Variants in VPS53 observed in about 807,000 individuals in gnomAD.
The protein encoded by VPS53 is VPS53 subunit of GARP complex, also known as vacuolar protein sorting-associated protein 53 homolog.
In VPS53, 70 loss-of-function variants were observed where a neutral mutation model predicts 107.0. That is an observed-to-expected ratio of 0.65 (90% CI 0.54 to 0.80). The LOEUF is 0.80. Among genes scored for constraint, VPS53 ranks in the 30% least tolerant of loss-of-function variants. The pLI is 0.00. For synonymous variants in VPS53, 409 were observed against 393.3 expected, an observed-to-expected ratio of 1.04 and a Z score of -0.47; for missense variants, 917 against 1,049.4, an observed-to-expected ratio of 0.87 and a Z score of 1.74.
chr17:646,859 G>A (rs1254221775), intron 7 of VPS53, among the ~76,000 whole-genome samples: 18 of 94,304 alleles, frequency 1.9e-4, no homozygotes, highest in African/African-American at 6.5e-4. Flanking sequence ...TCCATATCAC[G>A]GACTGGAGAT....
intron 4 of VPS53, chr17:675,300 A>G (rs1972106757): frequency 6.6e-6 from 1 of 152,230 alleles, no homozygotes. Flanking sequence ...CCTAGCTGAT[A>G]ATTCTACGGT....
chr17:711,269 C>T (rs1973633461), intron 1 of VPS53, among the ~76,000 whole-genome samples: 1 of 152,232 alleles, frequency 6.6e-6, no homozygotes, highest in African/African-American at 2.4e-5. Flanking sequence ...GAACACGCAA[C>T]AAGGTGGATG....
At chr17:571,757 C>T (rs1453346848) in intron 13 of VPS53, among the ~76,000 whole-genome samples, 2 of 152,270 alleles carry the variant, frequency 1.3e-5, no homozygotes, top group African/African-American at 2.4e-5. Flanking sequence ...GTTGGCCGGG[C>T]TGGTCTCCAG....
intron 4 of VPS53, among the ~76,000 whole-genome samples, chr17:691,096 TGA>T (rs1295272801): frequency 6.6e-6 from 1 of 152,014 alleles, no homozygotes; most frequent in African/African-American, 2.4e-5. Context: ...AGAGCAAGGA[TGA>T]TAAAGGGTCT....
At chr17:525,661 C>T (rs1293895444) in intron 19 of VPS53, among the ~76,000 whole-genome samples, 2 of 150,932 alleles carry the variant, frequency 1.3e-5, no homozygotes, top group Non-Finnish European at 3.0e-5. Flanking sequence ...ACCATTGCAC[C>T]CCAGCCTGGG....
intron 13 of VPS53, among the ~76,000 whole-genome samples, chr17:575,997 C>A (rs1448523927): frequency 6.6e-6 from 1 of 151,686 alleles, no homozygotes; most frequent in East Asian, 2.0e-4. Context: ...CGCAGAGAAC[C>A]TCCCTCAGAA....
chr17:570,137 C>G (rs188435924), intron 13 of VPS53, among the ~76,000 whole-genome samples: 2 of 151,758 alleles, frequency 1.3e-5, no homozygotes, highest in African/African-American at 4.8e-5. Flanking sequence ...GAGGCCAAGG[C>G]GGGTGGATCA....
intron 17 of VPS53, among the ~76,000 whole-genome samples, chr17:549,933 C>A (rs1174887796): frequency 6.6e-6 from 1 of 152,208 alleles, no homozygotes; most frequent in Admixed American, 6.5e-5. Context: ...CTAAAGCCTA[C>A]ATTTTGGTTT....
chr17:550,604 T>C (rs1014741868), intron 17 of VPS53, among the ~76,000 whole-genome samples: 4 of 152,100 alleles, frequency 2.6e-5, no homozygotes, highest in Admixed American at 6.5e-5. Context: ...AGTTCTAGAG[T>C]TGCAGCTGCA....
rs111313752 is a variant in VPS53, at chr17:524,283, CATAAAAAATAAAAA to C, written c.2086-2559_2086-2546del. On this transcript the variant is annotated intron_variant, in intron 19 of 21. Coordinates refer to ENST00000437048, the MANE Select transcript of VPS53 (RefSeq NM_001128159.3). This position sits in a 1 kb window ranked among gnomAD's most constrained non-coding sequence, Gnocchi z 4.5. ...AGACACTGTCTCAAAAAAATAAATA[CATAAAAAATAAAAA>C]ATAAAAAAGAAGAAGAAGAAGAAAA... Among the ~76,000 whole-genome samples the C allele has an allele frequency of 0.013, 2,031 of 151,562 alleles. 53 individuals are homozygous for C. The highest frequency in any genetic ancestry group is 0.045 in the African/African-American group (1,853 of 41,342).
At chr17:699,485 A>C (rs1231127550) in intron 2 of VPS53, 105 bp from the exon 3 acceptor site, 3 of 890,674 alleles carry the variant, frequency 3.4e-6, no homozygotes, top group Non-Finnish European at 3.2e-6. Flanking sequence ...ATCTCAAAAA[A>C]TTTAATCACA....
intron 13 of VPS53, 96 bp from the exon 14 acceptor site, chr17:562,841 T>C (rs1254914149): frequency 4.4e-6 from 6 of 1,357,588 alleles, no homozygotes; most frequent in South Asian, 1.4e-5. Flanking sequence ...CTGCCACAAG[T>C]AATCATTCCT....
chr17:648,811 T>C (rs1430380874), intron 7 of VPS53, among the ~76,000 whole-genome samples: 3 of 133,154 alleles, frequency 2.3e-5, no homozygotes, highest in African/African-American at 8.1e-5. Context: ...GAACAGGTAA[T>C]GAAGATCTTA....
In VPS53 at chr17:516,754, A is replaced by T. The variant is rs868357071; in HGVS notation, c.*2374T>A. 1 of 152,260 alleles carries T rather than the reference A, an allele frequency of 6.6e-6. No individual in the cohort carries two copies. Among genetic ancestry groups the T allele is most frequent in the Non-Finnish European group, 1.5e-5 (1 of 68,060 alleles). 9.4% of individuals were successfully genotyped at this position (152,260 alleles called of 1,614,324 possible). On this transcript the variant is annotated 3_prime_UTR_variant, in exon 22 of 22. Coordinates refer to ENST00000437048, the MANE Select transcript of VPS53 (RefSeq NM_001128159.3). ...TCTACACAGTACTGAGTCCCCATCA[A>T]GGAGACATTTAACAGAAACTCCTAC...
chr17:574,819 C>T (rs187728628), intron 13 of VPS53, among the ~76,000 whole-genome samples: 7 of 152,060 alleles, frequency 4.6e-5, no homozygotes, highest in Non-Finnish European at 8.8e-5. Flanking sequence ...CCTTTTAAAA[C>T]GAAAAATTTG....
chr17:584,891 T>C (rs1446537885), intron 13 of VPS53, among the ~76,000 whole-genome samples: 1 of 152,188 alleles, frequency 6.6e-6, no homozygotes, highest in Admixed American at 6.5e-5. Context: ...CATGAGTTCA[T>C]ACTGATATAT....
chr17:663,418 CGTGA>C (rs1256856878), intron 4 of VPS53, among the ~76,000 whole-genome samples: 2 of 152,112 alleles, frequency 1.3e-5, no homozygotes, highest in East Asian at 3.9e-4. Flanking sequence ...CTGGACCGTC[CGTGA>C]GTAAAGACTA....
chr17:694,155 A>T (rs1029410742), intron 4 of VPS53, among the ~76,000 whole-genome samples: 1 of 152,206 alleles, frequency 6.6e-6, no homozygotes, highest in Non-Finnish European at 1.5e-5. Context: ...AAAAGCAGTT[A>T]TTTCTTCTGG....
At chr17:659,261 C>T (rs1349700216) in intron 5 of VPS53, among the ~76,000 whole-genome samples, 5 of 152,042 alleles carry the variant, frequency 3.3e-5, no homozygotes, top group Non-Finnish European at 5.9e-5. Context: ...TTCAGTCTAA[C>T]ATAGGGAGTC....
Sources: gnomAD v4.1 joint callset for allele counts (sites outside exome capture counted in the v4.1 genomes callset) on GRCh38, gnomAD v4.1.1 for gene constraint, Gnocchi (gnomAD v3.1) non-coding constraint, MANE v1.5 for transcripts, NCBI Gene and HGNC (gene_info 2026-07-23, HGNC 2026-07-21) for gene names.